Variants in DNAJC1 observed in about 807,000 individuals in gnomAD.
DNAJC1 encodes the protein DnaJ heat shock protein family (Hsp40) member C1, also known as dnaJ homolog subfamily C member 1.
In DNAJC1, 58 loss-of-function variants were observed where a neutral mutation model predicts 76.6. The observed-to-expected ratio is 0.76, with a 90% confidence interval of 0.61 to 0.94. DNAJC1 has a LOEUF of 0.94. DNAJC1 is among the 40% of genes least tolerant of loss of function. DNAJC1 has a pLI of 0.00. For synonymous variants in DNAJC1, 258 were observed against 267.9 expected, an observed-to-expected ratio of 0.96 and a Z score of 0.36; for missense variants, 689 against 677.3, an observed-to-expected ratio of 1.02 and a Z score of -0.19.
chr10:21,767,071 T>C (rs1034617406), intron 9 of DNAJC1, among the ~76,000 whole-genome samples: 3 of 151,942 alleles, frequency 2.0e-5, no homozygotes, highest in African/African-American at 7.3e-5. Context: ...CACTGGAGAA[T>C]ATTCTACCAC....
chr10:21,856,955 C>T (rs938236084), intron 8 of DNAJC1, among the ~76,000 whole-genome samples: 6 of 151,932 alleles, frequency 3.9e-5, no homozygotes, highest in East Asian at 1.9e-4. Context: ...AGGCTGGTCT[C>T]GAACTCCTGA....
intron 8 of DNAJC1, among the ~76,000 whole-genome samples, chr10:21,826,660 ATTTTTGT>A (rs1835262478): frequency 6.6e-6 from 1 of 152,086 alleles, no homozygotes; most frequent in African/African-American, 2.4e-5. Context: ...TCTTTGACCC[ATTTTTGT>A]AAATTTTTCT....
At chr10:21,786,455 TATATATATAGAGAGAGAG>T (rs1406396228) in intron 9 of DNAJC1, among the ~76,000 whole-genome samples, 8 of 56,966 alleles carry the variant, frequency 1.4e-4, no homozygotes, top group South Asian at 7.2e-4. Flanking sequence ...TATATATATA[TATATATATAGAGAGAGAG>T]AGAGAGAGAG....
chr10:21,989,106 G>C (rs755248149), intron 1 of DNAJC1, among the ~76,000 whole-genome samples: 6 of 152,106 alleles, frequency 3.9e-5, no homozygotes, highest in Non-Finnish European at 4.4e-5. Context: ...GGGATGGAAT[G>C]GTAGACTGTC....
At chr10:21,898,991 A>G (rs1187768833) in intron 7 of DNAJC1, among the ~76,000 whole-genome samples, 1 of 152,150 alleles carries the variant, frequency 6.6e-6, no homozygotes. Context: ...ACCCATGGAA[A>G]ATGAAGAAAA....
Position 21,882,395 on chromosome 10 carries a change from T to C in DNAJC1, c.865A>G (p.Thr289Ala). The change falls in exon 8 of 12, where the codon ACA (threonine) becomes GCA (alanine). Residue 289 changes from threonine to alanine, a missense_variant. Physicochemically the swap from Thr to Ala is moderately conservative, Grantham distance 58 (BLOSUM62 0). Transcript: ENST00000376980. ...KKPKPEFPVY[T>A]PLETTYIQSY... is the part of the protein sequence containing the mutation. The stretch of plus-strand genomic sequence containing the variant: ...TGAATATATGTAGTTTCTAAAGGTG[T>C]GTATACAGGAAATTCAGGTTTTGGT... 1.3e-6 allele frequency: 2 copies of C among 1,543,212 alleles called. No homozygotes were observed. Among genetic ancestry groups the C allele is most frequent in the Non-Finnish European group, 1.7e-6 (2 of 1,152,668 alleles).
intron 8 of DNAJC1, among the ~76,000 whole-genome samples, chr10:21,836,264 A>G (rs1223396151): frequency 6.6e-6 from 1 of 152,220 alleles, no homozygotes; most frequent in Non-Finnish European, 1.5e-5. Flanking sequence ...TCCTTTACAG[A>G]CAAGCAAATG....
At chr10:21,877,994 T>C (rs948290270) in intron 8 of DNAJC1, among the ~76,000 whole-genome samples, 1 of 152,240 alleles carries the variant, frequency 6.6e-6, no homozygotes, top group Non-Finnish European at 1.5e-5. Flanking sequence ...ATGTACTGTA[T>C]TTATCAATAC....
chr10:21,998,536 C>T (rs1838458172), intron 1 of DNAJC1, among the ~76,000 whole-genome samples: 1 of 152,068 alleles, frequency 6.6e-6, no homozygotes, highest in South Asian at 2.1e-4. Context: ...CTTTCAATAG[C>T]ACATCTTTTT....
chr10:21,946,514 T>C (rs1366461970), intron 1 of DNAJC1, among the ~76,000 whole-genome samples: 1 of 152,054 alleles, frequency 6.6e-6, no homozygotes, highest in Non-Finnish European at 1.5e-5. Flanking sequence ...AGATAATTAG[T>C]CCCAAATGTT....
chr10:21,957,706 T>C (rs1259596248), intron 1 of DNAJC1, among the ~76,000 whole-genome samples: 1 of 152,228 alleles, frequency 6.6e-6, no homozygotes, highest in Non-Finnish European at 1.5e-5. Context: ...TTTCTGTCAA[T>C]TACACAAGTA....
chr10:21,933,855 A>G lies in DNAJC1; in HGVS notation c.223-4714T>C, dbSNP rs370734604. Among the ~76,000 whole-genome samples, 11 of 152,330 alleles carry G rather than the reference A, an allele frequency of 7.2e-5. 1 individual carries two copies. The South Asian group carries it at 2.3e-3, about 32-fold the overall frequency. On this transcript the variant is annotated intron_variant, in intron 1 of 11. Coordinates refer to ENST00000376980, the MANE Select transcript of DNAJC1 (RefSeq NM_022365.4). ...CATGTGTTTGTGGTGAGGCTAGTGT[A>G]AACAAACCTGCTGTGCTGCCAGCTG...
intron 6 of DNAJC1, among the ~76,000 whole-genome samples, chr10:21,915,914 G>A (rs1456779062): frequency 6.6e-6 from 1 of 151,516 alleles, no homozygotes; most frequent in Non-Finnish European, 1.5e-5. Flanking sequence ...AGGCTGAGGT[G>A]GGGGGATCAC....
chr10:21,832,054 C>G (rs1325935365), intron 8 of DNAJC1, among the ~76,000 whole-genome samples: 1 of 151,888 alleles, frequency 6.6e-6, no homozygotes, highest in Non-Finnish European at 1.5e-5. Flanking sequence ...GTAGAACAAG[C>G]AATGACAGAA....
chr10:21,823,513 A>G (rs1439256919), intron 8 of DNAJC1, among the ~76,000 whole-genome samples: 1 of 151,960 alleles, frequency 6.6e-6, no homozygotes, highest in African/African-American at 2.4e-5. Flanking sequence ...CCTTAATCTC[A>G]ATAAAAAGTT....
rs373662179 is a variant in DNAJC1, at chr10:21,857,104, T to G, written c.978+25178A>C. 4.6e-5 allele frequency among the ~76,000 whole-genome samples: 7 copies of G among 152,288 alleles called. No individual in the cohort carries two copies. In the East Asian group the frequency reaches 7.7e-4, roughly 17 times the overall value. On this transcript the variant is annotated intron_variant, in intron 8 of 11. Transcript: ENST00000376980. ...ATTCTGGAATACTCCATAATACAAT[T>G]AACAACTATCCTTATTAATAAAGAA... is the stretch of plus-strand genomic sequence containing the variant.
At chr10:21,864,769 C>A (rs1835971011) in intron 8 of DNAJC1, among the ~76,000 whole-genome samples, 1 of 152,022 alleles carries the variant, frequency 6.6e-6, no homozygotes, top group South Asian at 2.1e-4. Flanking sequence ...AAACTTTACT[C>A]TTCAAATGAT....
chr10:21,934,920 G>A (rs899707453), intron 1 of DNAJC1, among the ~76,000 whole-genome samples: 1 of 152,132 alleles, frequency 6.6e-6, no homozygotes, highest in African/African-American at 2.4e-5. Flanking sequence ...AGAAATTCTA[G>A]TGGCCATACA....
At chr10:21,829,748 T>C (rs1835325733) in intron 8 of DNAJC1, among the ~76,000 whole-genome samples, 1 of 152,252 alleles carries the variant, frequency 6.6e-6, no homozygotes, top group Non-Finnish European at 1.5e-5. Context: ...TTTGACAATA[T>C]TTGTTATTTA....
Sources: allele counts gnomAD v4.1 joint callset (sites outside exome capture counted in the v4.1 genomes callset), GRCh38; gene constraint gnomAD v4.1.1; transcripts MANE v1.5; gene names NCBI Gene and HGNC (gene_info 2026-07-23, HGNC 2026-07-21).